Variants in MFHAS1 observed in about 807,000 individuals in gnomAD.
MFHAS1 encodes the protein malignant fibrous histiocytoma-amplified sequence 1.
In MFHAS1, 50 loss-of-function variants were observed where a neutral mutation model predicts 70.4. The observed-to-expected ratio is 0.71, with a 90% CI of 0.57 to 0.90. The LOEUF (loss-of-function observed/expected upper bound fraction) is 0.90. MFHAS1 is among the 40% of genes least tolerant of loss of function. MFHAS1 has a pLI of 0.00. For synonymous variants in MFHAS1, 952 were observed against 620.0 expected, an observed-to-expected ratio of 1.54 and a Z score of -7.96; for missense variants, 1,795 against 1,347.6, an observed-to-expected ratio of 1.33 and a Z score of -5.20.
chr8:8,844,683 C>A lies in MFHAS1; in HGVS notation c.2998+45378G>T, dbSNP rs138670196. On this transcript the variant is annotated intron_variant, in intron 1 of 2. Coordinates refer to ENST00000276282, the MANE Select transcript of MFHAS1 (RefSeq NM_004225.3). ...ATGCACCACCCATCACACTCTATCC[C>A]CTGAACCTCTCTTACATCTTCTCAA... is the stretch of plus-strand genomic sequence containing the variant. 1.2e-4 allele frequency among the ~76,000 whole-genome samples: 18 copies of A among 152,276 alleles called. No homozygotes were observed. The East Asian group carries it at 3.3e-3, about 28-fold the overall frequency.
At chr8:8,851,379 TAAAAC>T (rs1309527266) in intron 1 of MFHAS1, among the ~76,000 whole-genome samples, 1 of 152,142 alleles carries the variant, frequency 6.6e-6, no homozygotes, top group African/African-American at 2.4e-5. Context: ...TGCACAAACA[TAAAAC>T]AAACAGTCAG....
At chr8:8,885,692 G>T (rs1809725881) in intron 1 of MFHAS1, among the ~76,000 whole-genome samples, 1 of 152,194 alleles carries the variant, frequency 6.6e-6, no homozygotes, top group Non-Finnish European at 1.5e-5. Context: ...AAAAAGAAAG[G>T]GTACCTGCAG....
At chr8:8,789,570 A>C (rs115037021) in intron 2 of MFHAS1, among the ~76,000 whole-genome samples, 43,784 of 151,892 alleles carry the variant, frequency 0.29, 6,877 homozygotes, top group African/African-American at 0.39. Flanking sequence ...AGGTACCGAG[A>C]CACTTAGGCT....
At chr8:8,790,358 G>C (rs1449812572) in intron 2 of MFHAS1, 2 of 984,650 alleles carry the variant, frequency 2.0e-6, no homozygotes, top group African/African-American at 3.5e-5. Context: ...TCACAGTTTG[G>C]GTACAGTAAA....
At chr8:8,883,256 C>T (rs1585071470) in intron 1 of MFHAS1, among the ~76,000 whole-genome samples, 1 of 152,174 alleles carries the variant, frequency 6.6e-6, no homozygotes, top group East Asian at 1.9e-4. Context: ...ACAAAGCAGA[C>T]CTCCATCCCC....
chr8:8,891,005 T>C lies in MFHAS1; in HGVS notation c.2054A>G (p.Asp685Gly). Residue 685 changes from aspartate (D) to glycine (G), a missense_variant, in exon 1 of 3, where the codon GAC becomes GGC. Physicochemically the swap from Asp to Gly is moderately conservative, Grantham distance 94 (BLOSUM62 -1). Transcript: ENST00000276282. The surrounding 1 kb of genome is among the most constrained non-coding windows in gnomAD (Gnocchi z 5.4). ...CGCCTGCAGGCCCAAGCGCGCCGAG[T>C]CCCACCAGCTTAGCCACAGTCGCTG... The part of the protein sequence containing the change: ...QAQRLWLSWW[D>G]SARLGLQAGL... 6.2e-7 allele frequency: 1 copy of C among 1,613,804 alleles called. No homozygotes were observed. Among genetic ancestry groups the C allele is most frequent in the Non-Finnish European group, 8.5e-7 (1 of 1,179,972 alleles).
chr8:8,839,157 G>T (rs1441271478), intron 1 of MFHAS1, among the ~76,000 whole-genome samples: 2 of 151,394 alleles, frequency 1.3e-5, no homozygotes, highest in Admixed American at 1.3e-4. Context: ...TGCCTCTTAA[G>T]AAAATTAAAC....
chr8:8,792,472 G>A (rs1175616684), intron 2 of MFHAS1, among the ~76,000 whole-genome samples: 1 of 152,046 alleles, frequency 6.6e-6, no homozygotes, highest in Non-Finnish European at 1.5e-5. Context: ...TAGGTGCAGT[G>A]GCGTGTGCCT....
chr8:8,862,791 T>G (rs970106840), intron 1 of MFHAS1, among the ~76,000 whole-genome samples: 2 of 152,172 alleles, frequency 1.3e-5, no homozygotes, highest in Non-Finnish European at 2.9e-5. Flanking sequence ...TTGGGGATGC[T>G]ACTAATGGAG....
rs145731821 is a variant in MFHAS1, at chr8:8,892,222, G to A, written c.837C>T (p.Asn279=). 77 of 1,610,870 alleles carry A rather than the reference G, an allele frequency of 4.8e-5. No individual in the cohort carries two copies. The African/African-American group carries it at 7.2e-4, about 15-fold the overall frequency. ...ACTCCTCGAAGAGGTTGGAGGAGAG[G>A]TTGAGCATTTTGAGCCGCTGCAGGC... ...FSCLQRLKML[N]LSSNLFEEFP... Residue 279 remains asparagine, a synonymous_variant, in exon 1 of 3, where the codon AAC becomes AAT. Coordinates refer to ENST00000276282, the MANE Select transcript of MFHAS1 (RefSeq NM_004225.3). The surrounding 1 kb of genome is among the most constrained non-coding windows in gnomAD (Gnocchi z 4.7).
At position 8,796,950 on chromosome 8, in the gene MFHAS1, C is replaced by T. The variant is rs543798497; in HGVS notation, c.3125+415G>A. ...GGCGGAGCTTGCAGTGAGCCGAGAT[C>T]GCACCACTGCACTCCAGCCTGGGTG... On this transcript the variant is annotated intron_variant, in intron 2 of 2. Transcript: ENST00000276282. Among the ~76,000 whole-genome samples the T allele has an allele frequency of 8.4e-4, 123 of 145,736 alleles. 1 individual carries two copies. Among genetic ancestry groups the T allele is most frequent in the African/African-American group, 2.9e-3 (115 of 39,406 alleles).
rs76651994 is a variant in MFHAS1, at chr8:8,868,457, G to C, written c.2998+21604C>G. Among the ~76,000 whole-genome samples the C allele has an allele frequency of 7.2e-3, 1,091 of 150,880 alleles. 19 individuals are homozygous for C. The highest frequency in any genetic ancestry group is 0.026 in the African/African-American group (1,046 of 40,960). The stretch of plus-strand genomic sequence containing the variant: ...AAACTGACTGTAAACTGATTACCTA[G>C]TGCCACTCGGCTAATACACTGGAAC... On this transcript the variant is annotated intron_variant, in intron 1 of 2. Transcript: ENST00000276282.
At chr8:8,867,437 A>AT (rs983466135) in intron 1 of MFHAS1, among the ~76,000 whole-genome samples, 1 of 152,040 alleles carries the variant, frequency 6.6e-6, no homozygotes, top group Non-Finnish European at 1.5e-5. Flanking sequence ...CGCACAGAAA[A>AT]TTTTTTTTAT....
intron 2 of MFHAS1, among the ~76,000 whole-genome samples, chr8:8,796,187 T>C (rs990481113): frequency 6.6e-6 from 1 of 152,212 alleles, no homozygotes; most frequent in African/African-American, 2.4e-5. Context: ...GAAAGTTACT[T>C]GGCATGTGTG....
intron 1 of MFHAS1, among the ~76,000 whole-genome samples, chr8:8,874,712 G>C (rs1215610919): frequency 6.6e-6 from 1 of 150,608 alleles, no homozygotes; most frequent in East Asian, 2.0e-4. Flanking sequence ...AAAATGTTAT[G>C]AGGTTTTTTT....
In MFHAS1 at chr8:8,795,009, C is replaced by A. The variant is rs147138272; in HGVS notation, c.3125+2356G>T. Among the ~76,000 whole-genome samples, 720 of 152,286 alleles carry A rather than the reference C, an allele frequency of 4.7e-3. 3 individuals carry two copies. Among genetic ancestry groups the A allele is most frequent in the African/African-American group, 0.016 (671 of 41,558 alleles). On this transcript the variant is annotated intron_variant, in intron 2 of 2. Coordinates refer to ENST00000276282, the MANE Select transcript of MFHAS1 (RefSeq NM_004225.3). ...GGCTTGGTGCCAGGAAGGTTTCTAG[C>A]GCAAATGGATATTTTAACTCCTACC... is the stretch of plus-strand genomic sequence containing the variant.
intron 1 of MFHAS1, among the ~76,000 whole-genome samples, chr8:8,851,675 T>C (rs137912742): frequency 2.9e-4 from 44 of 152,358 alleles, no homozygotes; most frequent in African/African-American, 1.0e-3. Flanking sequence ...ATTATACCCC[T>C]TCCTCTTGCC....
In MFHAS1 at chr8:8,891,833, C is replaced by T; in HGVS notation, c.1226G>A (p.Arg409Gln). The change falls in exon 1 of 3, where the codon CGG becomes CAG. Residue 409 changes from arginine (R) to glutamine (Q), a missense_variant. Physicochemically the swap from Arg to Gln is conservative, Grantham distance 43. Coordinates refer to ENST00000276282, the MANE Select transcript of MFHAS1 (RefSeq NM_004225.3). The surrounding 1 kb of genome is among the most constrained non-coding windows in gnomAD (Gnocchi z 5.4). ...LAHSQPAVQPRLKLLLMGHKA... is the reference protein window; with the variant it reads ...LAHSQPAVQPQLKLLLMGHKA... ...ATGCCCCATCAGGAGCAGCTTGAGC[C>T]GGGGCTGCACCGCCGGCTGGGAATG... 3 of 1,612,928 alleles carry T rather than the reference C, an allele frequency of 1.9e-6. No individual in the cohort carries two copies. The highest frequency in any genetic ancestry group is 2.5e-6 in the Non-Finnish European group (3 of 1,179,818).
chr8:8,831,555 C>T (rs1807388688), intron 1 of MFHAS1, among the ~76,000 whole-genome samples: 1 of 151,780 alleles, frequency 6.6e-6, no homozygotes, highest in Non-Finnish European at 1.5e-5. Flanking sequence ...GTAATGTGAA[C>T]AGACATATAG....
Sources: gnomAD v4.1 joint callset for allele counts (sites outside exome capture counted in the v4.1 genomes callset) on GRCh38, gnomAD v4.1.1 for gene constraint, Gnocchi (gnomAD v3.1) non-coding constraint, MANE v1.5 for transcripts, NCBI Gene and HGNC (gene_info 2026-07-23, HGNC 2026-07-21) for gene names.